Variants in SHISA6 observed in about 807,000 individuals in gnomAD.
The protein encoded by SHISA6 is shisa family member 6, also known as protein shisa-6.
Under a neutral mutation model 47.9 loss-of-function variants are expected in SHISA6, and 22 were observed. The ratio of observed to expected loss-of-function variants is 0.46; its 90% CI spans 0.33 to 0.66. The LOEUF (loss-of-function observed/expected upper bound fraction) is 0.66. Ranked by LOEUF, SHISA6 falls within the 30% of genes least tolerant of loss-of-function variation. The pLI is 0.02. For synonymous variants in SHISA6, 388 were observed against 337.8 expected, an observed-to-expected ratio of 1.15 and a Z score of -1.63; for missense variants, 680 against 764.6, an observed-to-expected ratio of 0.89 and a Z score of 1.30.
At chr17:11,396,451 G>A (rs747644267) in intron 3 of SHISA6, among the ~76,000 whole-genome samples, 22 of 152,174 alleles carry the variant, frequency 1.4e-4, no homozygotes, top group Admixed American at 2.6e-4. Context: ...ATAAACGTAC[G>A]TGTGCATGTG....
intron 3 of SHISA6, among the ~76,000 whole-genome samples, chr17:11,417,842 AGATCTAGGAAAATGCTTAGTC>A (rs990880519): frequency 2.0e-5 from 3 of 152,212 alleles, no homozygotes; most frequent in Non-Finnish European, 2.9e-5. Flanking sequence ...ATCAGATAAG[AGATCTAGGAAAATGCTTAGTC>A]GATCTAGGAA....
At chr17:11,421,889 C>T (rs1914460003) in intron 3 of SHISA6, among the ~76,000 whole-genome samples, 1 of 152,182 alleles carries the variant, frequency 6.6e-6, no homozygotes, top group South Asian at 2.1e-4. Flanking sequence ...GGTTATCTCA[C>T]AGCTTTTGTA....
intron 2 of SHISA6, among the ~76,000 whole-genome samples, chr17:11,282,105 T>C (rs1909139174): frequency 6.6e-6 from 1 of 152,230 alleles, no homozygotes; most frequent in African/African-American, 2.4e-5. Context: ...TTTCCTCATC[T>C]TCCTCACTCT....
rs376548025 is a variant in SHISA6 at position 11,465,276 on chromosome 17, A to G, written c.895+85767A>G. Among the ~76,000 whole-genome samples the G allele has an allele frequency of 3.3e-5, 5 of 152,324 alleles. No homozygotes were observed. The East Asian group carries it at 7.7e-4, about 24-fold the overall frequency. ...GCCACCACTCGGGGAAGCATCGGCT[A>G]TAGCAATTGTGTCTTTTAAATTATT... On this transcript the variant is annotated intron_variant, in intron 3 of 5. Transcript: ENST00000441885.
chr17:11,438,625 A>G (rs72807167), intron 3 of SHISA6, among the ~76,000 whole-genome samples: 7,866 of 152,218 alleles, frequency 0.052, 322 homozygotes, highest in East Asian at 0.25. Context: ...TCCTACCCTT[A>G]TAACATCATT....
chr17:11,415,141 A>G lies in SHISA6; in HGVS notation c.895+35632A>G, dbSNP rs899610192. ...AAACTCATGATCCAAAGTTCATAAGATAATAGGGAGCATTTATTCAGCATT... is the reference window on the plus strand; with the variant it reads ...AAACTCATGATCCAAAGTTCATAAGGTAATAGGGAGCATTTATTCAGCATT... On this transcript the variant is annotated intron_variant, in intron 3 of 5. Coordinates refer to ENST00000441885, the MANE Select transcript of SHISA6 (RefSeq NM_207386.4). 3.3e-5 allele frequency among the ~76,000 whole-genome samples: 5 copies of G among 152,236 alleles called. No individual in the cohort carries two copies. The East Asian group carries it at 9.6e-4, about 29-fold the overall frequency.
intron 2 of SHISA6, among the ~76,000 whole-genome samples, chr17:11,273,798 C>CATT: frequency 6.6e-6 from 1 of 152,356 alleles, no homozygotes. Context: ...GTCCAGGACT[C>CATT]ACTCTCTCAC....
chr17:11,496,460 C>T (rs1168752217), intron 3 of SHISA6, among the ~76,000 whole-genome samples: 5 of 152,160 alleles, frequency 3.3e-5, no homozygotes, highest in Admixed American at 6.5e-5. Context: ...GAAGTGGGGG[C>T]CGGGTACGGT....
rs570864029 is a variant in SHISA6 at position 11,489,864 on chromosome 17, C to G, written c.896-62032C>G. Among the ~76,000 whole-genome samples, 3 of 152,242 alleles carry G rather than the reference C, an allele frequency of 2.0e-5. 1 individual carries two copies. The highest frequency in any genetic ancestry group is 1.9e-4 in the East Asian group (1 of 5,182). ...ACATCCTACAATGCACAGAGCAATTCCCCCCTTCCCCAACCACCATCACAC... is the reference window on the plus strand; with the variant it reads ...ACATCCTACAATGCACAGAGCAATTGCCCCCTTCCCCAACCACCATCACAC... On this transcript the variant is annotated intron_variant, in intron 3 of 5. Coordinates refer to ENST00000441885, the MANE Select transcript of SHISA6 (RefSeq NM_207386.4).
At chr17:11,532,988 G>A (rs2071750357) in intron 3 of SHISA6, among the ~76,000 whole-genome samples, 2 of 152,098 alleles carry the variant, frequency 1.3e-5, no homozygotes, top group African/African-American at 4.8e-5. Flanking sequence ...CTGCGTGAGT[G>A]TAAACAGCCA....
At chr17:11,345,018 T>TC (rs1260802057) in intron 2 of SHISA6, among the ~76,000 whole-genome samples, 2 of 152,164 alleles carry the variant, frequency 1.3e-5, no homozygotes, top group East Asian at 3.8e-4. Flanking sequence ...CACATATGAG[T>TC]GAGAATATGC....
At chr17:11,391,367 C>T (rs972437791) in intron 3 of SHISA6, among the ~76,000 whole-genome samples, 1 of 152,064 alleles carries the variant, frequency 6.6e-6, no homozygotes, top group African/African-American at 2.4e-5. Context: ...GCTAGAAAGG[C>T]GGGTTGGAGG....
At position 11,314,529 on chromosome 17, in the gene SHISA6, A is replaced by ATTTTTTTTTT. The variant is rs200230465; in HGVS notation, c.799+51010_799+51011insTTTTTTTTTT. On this transcript the variant is annotated intron_variant, in intron 2 of 5. Coordinates refer to ENST00000441885, the MANE Select transcript of SHISA6 (RefSeq NM_207386.4). Reference sequence around the variant, plus strand: ...TTACGTCATTCCATACTGTTTTTTCATTTTTTTGTTTTTTTTTTTTTTTGA... The same window carrying ATTTTTTTTTT: ...TTACGTCATTCCATACTGTTTTTTCATTTTTTTTTTTTTTTTTGTTTTTTTTTTTTTTTGA... Among the ~76,000 whole-genome samples, 2 of 143,658 alleles carry ATTTTTTTTTT rather than the reference A, an allele frequency of 1.4e-5. 1 individual carries two copies. The allele number at this position is 143,658 out of a possible 152,430, so 94.2% of individuals were successfully genotyped here.
chr17:11,249,919 T>C (rs1014883478), intron 1 of SHISA6, among the ~76,000 whole-genome samples: 1 of 152,182 alleles, frequency 6.6e-6, no homozygotes, highest in Non-Finnish European at 1.5e-5. Context: ...GAATGGCAGC[T>C]CTGCACAGGA....
chr17:11,504,403 C>T (rs939233339), intron 3 of SHISA6, among the ~76,000 whole-genome samples: 1 of 152,146 alleles, frequency 6.6e-6, no homozygotes, highest in Non-Finnish European at 1.5e-5. Context: ...GGTGAAGCAT[C>T]CCTCCCATGC....
At chr17:11,390,556 C>T (rs991878025) in intron 3 of SHISA6, among the ~76,000 whole-genome samples, 1 of 152,144 alleles carries the variant, frequency 6.6e-6, no homozygotes, top group Non-Finnish European at 1.5e-5. Flanking sequence ...ACGAAAACTC[C>T]AGGTAATTCA....
chr17:11,268,980 T>C (rs1908535687), intron 2 of SHISA6, among the ~76,000 whole-genome samples: 1 of 152,006 alleles, frequency 6.6e-6, no homozygotes, highest in African/African-American at 2.4e-5. Flanking sequence ...CATAGGCTGG[T>C]CACCAGCCAG....
rs1285137129 is a variant in SHISA6, at chr17:11,562,050, C to T, written c.*3746C>T. On this transcript the variant is annotated 3_prime_UTR_variant, in exon 6 of 6. Coordinates refer to ENST00000441885, the MANE Select transcript of SHISA6 (RefSeq NM_207386.4). ...TGATGTTAGCCCAGAAGCTCCTGCT[C>T]TGGCCAAAGACTCCTATCCTTGAGG... 2 of 152,202 alleles carry T rather than the reference C, an allele frequency of 1.3e-5. No homozygotes were observed. Among genetic ancestry groups the T allele is most frequent in the East Asian group, 3.9e-4 (2 of 5,156 alleles). The allele number at this position is 152,202 out of a possible 1,614,324, so 9.4% of individuals were successfully genotyped here.
chr17:11,300,669 C>CTTTTTTTTTTTTTTT (rs201580011), intron 2 of SHISA6, among the ~76,000 whole-genome samples: 1 of 136,256 alleles, frequency 7.3e-6, no homozygotes. Context: ...TTTTCTTTTT[C>CTTTTTTTTTTTTTTT]TTTTTTTTTT....
Sources: allele counts gnomAD v4.1 joint callset (sites outside exome capture counted in the v4.1 genomes callset), GRCh38; gene constraint gnomAD v4.1.1; transcripts MANE v1.5; gene names NCBI Gene and HGNC (gene_info 2026-07-23, HGNC 2026-07-21).